The following NHLRC2 variants were observed in gnomAD, a reference collection of about 807,000 sequenced individuals.
The protein encoded by NHLRC2 is NHL repeat-containing protein 2.
Under a neutral mutation model 68.1 loss-of-function variants are expected in NHLRC2, and 33 were observed. The ratio of observed to expected loss-of-function variants is 0.48; its 90% confidence interval spans 0.37 to 0.65. The LOEUF (loss-of-function observed/expected upper bound fraction) is 0.65, where lower values mean the gene tolerates loss of function less well. Among genes scored for constraint, NHLRC2 ranks in the 30% least tolerant of loss-of-function variants. The pLI is 0.00. For missense variants in NHLRC2, 761 were observed against 853.8 expected (o/e 0.89, Z 1.35); for synonymous variants, 311 against 309.6 (o/e 1.00, Z -0.05).
intron 9 of NHLRC2, among the ~76,000 whole-genome samples, chr10:113,904,565 A>G (rs1040113875): frequency 6.6e-6 from 1 of 152,178 alleles, no homozygotes; most frequent in South Asian, 2.1e-4. Flanking sequence ...TGCCGTCTAT[A>G]TACATTGGAC....
intron 4 of NHLRC2, among the ~76,000 whole-genome samples, chr10:113,882,515 ATTC>A (rs1846044301): frequency 6.6e-6 from 1 of 151,716 alleles, no homozygotes; most frequent in Non-Finnish European, 1.5e-5. Flanking sequence ...AAGTGTCAGT[ATTC>A]TTTGCCAAAT....
intron 8 of NHLRC2, 101 bp downstream of exon 8, chr10:113,902,694 GA>G (rs766444926): frequency 3.8e-4 from 380 of 1,010,504 alleles, no homozygotes; most frequent in Non-Finnish European, 3.0e-4. Flanking sequence ...CTAAAATATA[GA>G]AAGGAGTAAC....
In NHLRC2 at chr10:113,913,856, T is replaced by G. The variant is rs1033817657; in HGVS notation, c.*5320T>G. ...TTGTTGTTGTTGTTTTGTTTTTTTTTTTTTTTTTTGAGATGGAGTCTCACT... is the reference window on the plus strand; with the variant it reads ...TTGTTGTTGTTGTTTTGTTTTTTTTGTTTTTTTTTGAGATGGAGTCTCACT... On this transcript the variant is annotated 3_prime_UTR_variant, in exon 11 of 11. Coordinates refer to ENST00000369301, the MANE Select transcript of NHLRC2 (RefSeq NM_198514.4). 5.4e-5 allele frequency: 8 copies of G among 149,126 alleles called. No homozygotes were observed. Among genetic ancestry groups the G allele is most frequent in the South Asian group, 2.1e-4 (1 of 4,690 alleles). The allele number at this position is 149,126 out of a possible 1,614,324, so 9.2% of individuals were successfully genotyped here.
At chr10:113,872,615 G>A (rs960261662) in intron 2 of NHLRC2, among the ~76,000 whole-genome samples, 1 of 151,290 alleles carries the variant, frequency 6.6e-6, no homozygotes, top group Non-Finnish European at 1.5e-5. Flanking sequence ...GGAAATGAGT[G>A]TTAATTGAAT....
At chr10:113,875,758 T>C (rs549402790) in intron 2 of NHLRC2, among the ~76,000 whole-genome samples, 1 of 152,264 alleles carries the variant, frequency 6.6e-6, no homozygotes, top group East Asian at 1.9e-4. Flanking sequence ...GCTGGGAAAT[T>C]ATACCTCCTG....
intron 5 of NHLRC2, 137 bp from the exon 6 acceptor site, chr10:113,897,973 A>C: frequency 4.2e-6 from 2 of 480,116 alleles, no homozygotes; most frequent in Non-Finnish European, 7.2e-6. Flanking sequence ...AGATAACTTG[A>C]AACATTGCAG....
chr10:113,908,376 TATCAC>T lies in NHLRC2; in HGVS notation c.2022_2026del (p.Leu674PhefsTer2). 1 of 1,614,058 alleles carries T rather than the reference TATCAC, an allele frequency of 6.2e-7. No homozygotes were observed. Among genetic ancestry groups the T allele is most frequent in the Non-Finnish European group, 8.5e-7 (1 of 1,179,878 alleles). On this transcript the variant is annotated frameshift_variant, in exon 11 of 11. Transcript: ENST00000369301. LOFTEE classifies it high-confidence loss of function. ...TCACTACAAATTCCTGATGATTGCT[TATCAC>T]TTGAAGCCATTGTATCTGTCAGTGT...
At position 113,915,915 on chromosome 10, in the gene NHLRC2, C is replaced by T. The variant is rs577248926; in HGVS notation, c.*7379C>T. 2 of 152,512 alleles carry T rather than the reference C, an allele frequency of 1.3e-5. No homozygotes were observed. The highest frequency in any genetic ancestry group is 2.9e-5 in the Non-Finnish European group (2 of 68,328). The allele number at this position is 152,512 out of a possible 1,614,324, so 9.4% of individuals were successfully genotyped here. A position where few individuals can be genotyped will look rare whatever the true frequency, so the allele number is the denominator to read the frequency against. ...AAATTGCTAGAATTACAAGCATGAGCCACCACACCTGGCCTGTTATTCCTT... is the reference window on the plus strand; with the variant it reads ...AAATTGCTAGAATTACAAGCATGAGTCACCACACCTGGCCTGTTATTCCTT... On this transcript the variant is annotated 3_prime_UTR_variant, in exon 11 of 11. Coordinates refer to ENST00000369301, the MANE Select transcript of NHLRC2 (RefSeq NM_198514.4).
chr10:113,858,666 C>G lies in NHLRC2; in HGVS notation c.317C>G (p.Thr106Arg). The change falls in exon 2 of 11, where the codon ACA becomes AGA. Residue 106 changes from threonine (T) to arginine (R), a missense_variant. Transcript: ENST00000369301. ...CCTGATCTCCATGCATTAGAACACA[C>G]ATACTCTGATAAAGGTATCTGCTCT... ...LLPDLHALEH[T>R]YSDKDGLLII... 1 of 1,610,334 alleles carries G rather than the reference C, an allele frequency of 6.2e-7. No individual in the cohort carries two copies. Among genetic ancestry groups the G allele is most frequent in the Non-Finnish European group, 8.5e-7 (1 of 1,176,900 alleles).
intron 1 of NHLRC2, 98 bp downstream of exon 1, chr10:113,855,148 C>G: frequency 9.3e-7 from 1 of 1,079,474 alleles, no homozygotes; most frequent in South Asian, 1.4e-5. Flanking sequence ...GGGTTTGTGC[C>G]GCTGGCGCCC....
chr10:113,903,889 GA>G (rs1392884328), intron 9 of NHLRC2, among the ~76,000 whole-genome samples, 153 bp downstream of exon 9: 2 of 152,038 alleles, frequency 1.3e-5, no homozygotes, highest in Admixed American at 6.6e-5. Flanking sequence ...AGACCAGCAG[GA>G]CTGCTTTAAG....
rs142755004 is a variant in NHLRC2, at chr10:113,867,520, C to T, written c.331+8840C>T. On this transcript the variant is annotated intron_variant, in intron 2 of 10. Coordinates refer to ENST00000369301, the MANE Select transcript of NHLRC2 (RefSeq NM_198514.4). ...GTTTCCATTGTTCTTAGTATAAAAA[C>T]GAAAATTTTCCCTCTCCAGCATCTT... Among the ~76,000 whole-genome samples, 297 of 152,254 alleles carry T rather than the reference C, an allele frequency of 2.0e-3. 2 individuals carry two copies. Among genetic ancestry groups the T allele is most frequent in the African/African-American group, 6.9e-3 (285 of 41,544 alleles).
intron 2 of NHLRC2, among the ~76,000 whole-genome samples, chr10:113,871,568 A>T (rs896326763): frequency 2.0e-5 from 3 of 152,186 alleles, no homozygotes; most frequent in Non-Finnish European, 4.4e-5. Context: ...ACTACTGGAA[A>T]TACTTCTATT....
At chr10:113,891,558 T>C (rs1363402451) in intron 5 of NHLRC2, among the ~76,000 whole-genome samples, 1 of 152,176 alleles carries the variant, frequency 6.6e-6, no homozygotes, top group Non-Finnish European at 1.5e-5. Context: ...ACCACATGTT[T>C]TAAATTCCTC....
intron 4 of NHLRC2, among the ~76,000 whole-genome samples, chr10:113,882,900 T>C (rs1846047747): frequency 6.6e-6 from 1 of 151,794 alleles, no homozygotes; most frequent in Non-Finnish European, 1.5e-5. Context: ...CTTCATTCTT[T>C]TACATGTGGA....
chr10:113,897,252 A>G (rs115718296), intron 5 of NHLRC2, among the ~76,000 whole-genome samples: 300 of 152,314 alleles, frequency 2.0e-3, no homozygotes, highest in African/African-American at 6.7e-3. Context: ...TAGATTTAAC[A>G]GAAATAAGCA....
chr10:113,875,653 G>A (rs1845972770), intron 2 of NHLRC2, among the ~76,000 whole-genome samples: 1 of 152,114 alleles, frequency 6.6e-6, no homozygotes, highest in South Asian at 2.1e-4. Flanking sequence ...TATCTGGTCG[G>A]GTTTACTTTT....
At position 113,854,901 on chromosome 10, in the gene NHLRC2, G is replaced by T. The variant is rs1436170707; in HGVS notation, c.29G>T (p.Ser10Ile). MAAPGGRGR[S>I]LSGLLPAQTS... ...GCGGCGCCCGGAGGCCGGGGCCGCA[G>T]CCTCTCCGGCCTGCTCCCCGCGCAG... The change falls in exon 1 of 11, where the codon AGC (serine) becomes ATC (isoleucine). Residue 10 changes from serine to isoleucine, a missense_variant. Ser to Ile is a moderately radical substitution (Grantham distance 142). Transcript: ENST00000369301. 6.5e-7 allele frequency: 1 copy of T among 1,550,210 alleles called. No homozygotes were observed. Among genetic ancestry groups the T allele is most frequent in the Non-Finnish European group, 8.7e-7 (1 of 1,146,758 alleles).
Position 113,908,299 on chromosome 10 carries a change from A to G in NHLRC2, c.1944A>G (p.Gln648=). Residue 648 remains glutamine, a synonymous_variant, in exon 11 of 11, where the codon CAA becomes CAG. Coordinates refer to ENST00000369301, the MANE Select transcript of NHLRC2 (RefSeq NM_198514.4). ...LTAEGNEWLL[Q]GQIAAGDIEN... Reference sequence around the variant, plus strand: ...TTTTAGGCAATGAATGGCTACTTCAAGGACAGATAGCAGCTGGAGATATAG... The same window carrying G: ...TTTTAGGCAATGAATGGCTACTTCAGGGACAGATAGCAGCTGGAGATATAG... 1 of 1,613,464 alleles carries G rather than the reference A, an allele frequency of 6.2e-7. No homozygotes were observed. Among genetic ancestry groups the G allele is most frequent in the South Asian group, 1.1e-5 (1 of 91,064 alleles).
Sources: allele counts gnomAD v4.1 joint callset (sites outside exome capture counted in the v4.1 genomes callset), GRCh38; gene constraint gnomAD v4.1.1; transcripts MANE v1.5; gene names NCBI Gene and HGNC (gene_info 2026-07-23, HGNC 2026-07-21).